The following STIM2 variants were observed in gnomAD, a reference collection of about 807,000 sequenced individuals.
The protein encoded by STIM2 is stromal interaction molecule 2.
Under a neutral mutation model 85.8 loss-of-function variants are expected in STIM2, and 31 were observed. That is an observed-to-expected ratio of 0.36 (90% confidence interval 0.27 to 0.49). STIM2 has a LOEUF of 0.49. Ranked by LOEUF, STIM2 falls within the 20% of genes least tolerant of loss-of-function variation. The pLI, the probability that STIM2 is intolerant of heterozygous loss-of-function variation, is 0.98. For synonymous variants in STIM2, 356 were observed against 331.1 expected, an observed-to-expected ratio of 1.08 and a Z score of -0.82; for missense variants, 841 against 927.6, an observed-to-expected ratio of 0.91 and a Z score of 1.21.
chr4:26,881,313 A>G (rs1023761214), intron 1 of STIM2, among the ~76,000 whole-genome samples: 2 of 152,090 alleles, frequency 1.3e-5, no homozygotes, highest in African/African-American at 4.8e-5. Context: ...TAAAAATACA[A>G]AAATTAGCCC....
rs114777390 is a variant in STIM2, at chr4:26,991,428, C to T, written c.398-3951C>T. Among the ~76,000 whole-genome samples the T allele has an allele frequency of 4.5e-3, 681 of 151,648 alleles. 7 individuals carry two copies. Among genetic ancestry groups the T allele is most frequent in the Non-Finnish European group, 7.9e-3 (539 of 67,848 alleles). On this transcript the variant is annotated intron_variant, in intron 3 of 11. Transcript: ENST00000467087. ...ATGGTGGTTACCAGAGGCTGGGAAG[C>T]GAAGAGGGGAATGAAGAGAAGTTGG...
At chr4:26,913,221 T>C (rs1327888249) in intron 1 of STIM2, among the ~76,000 whole-genome samples, 1 of 152,106 alleles carries the variant, frequency 6.6e-6, no homozygotes, top group Non-Finnish European at 1.5e-5. Flanking sequence ...AAGTATGTAT[T>C]AGATTTGGTA....
chr4:27,017,782 C>T lies in STIM2; in HGVS notation c.1561C>T (p.Pro521Ser), dbSNP rs752964490. ...GTGCCGTTCACGCCGCAGCATTGTG[C>T]CGTCCTCGCCTCAGCCTCAGCGAGC... The change falls in exon 11 of 12, where the codon CCG (proline) becomes TCG (serine). Residue 521 changes from proline (P) to serine (S), a missense_variant. By Grantham distance (74) the Pro-to-Ser change is moderately conservative. This residue lies in a region of STIM2 where 293 missense variants were observed against 284.5 expected (regional missense o/e 1.03). Transcript: ENST00000467087. The T allele has an allele frequency of 9.9e-6, 16 of 1,613,986 alleles. No homozygotes were observed. The African/African-American group carries it at 2.0e-4, about 20-fold the overall frequency.
chr4:26,970,242 T>A (rs1726893784), intron 3 of STIM2, among the ~76,000 whole-genome samples: 2 of 25,612 alleles, frequency 7.8e-5, no homozygotes, highest in Non-Finnish European at 2.2e-4. Context: ...TATATATATA[T>A]ATATGTATGT....
At chr4:26,976,989 C>G (rs1372682139) in intron 3 of STIM2, among the ~76,000 whole-genome samples, 1 of 152,066 alleles carries the variant, frequency 6.6e-6, no homozygotes, top group East Asian at 1.9e-4. Flanking sequence ...ACTGCTGGTA[C>G]AGGTTATTTA....
At chr4:26,995,893 AT>A (rs1440565032) in intron 4 of STIM2, among the ~76,000 whole-genome samples, 1 of 152,120 alleles carries the variant, frequency 6.6e-6, no homozygotes, top group Non-Finnish European at 1.5e-5. Context: ...TAACCATCGA[AT>A]TATGGCGTCT....
At chr4:26,956,644 A>G (rs1428479371) in intron 2 of STIM2, among the ~76,000 whole-genome samples, 2 of 152,140 alleles carry the variant, frequency 1.3e-5, no homozygotes, top group African/African-American at 4.8e-5. Context: ...TCTAAACACC[A>G]TAATCAAATG....
chr4:26,886,695 G>C (rs1290018307), intron 1 of STIM2, among the ~76,000 whole-genome samples: 2 of 152,178 alleles, frequency 1.3e-5, no homozygotes, highest in East Asian at 3.8e-4. Flanking sequence ...GTCTGGGCTA[G>C]AATGTACAGT....
In STIM2 at chr4:26,863,000, T is replaced by A. The variant is rs1436468761; in HGVS notation, c.151+1631T>A. Among the ~76,000 whole-genome samples the A allele has an allele frequency of 3.3e-5, 5 of 152,280 alleles. No individual in the cohort carries two copies. The South Asian group carries it at 6.2e-4, about 19-fold the overall frequency. On this transcript the variant is annotated intron_variant, in intron 1 of 11. Coordinates refer to ENST00000467087, the MANE Select transcript of STIM2 (RefSeq NM_020860.4). The stretch of plus-strand genomic sequence containing the variant: ...TGGTTAATACATAATTGGCTAATGC[T>A]CTGTGAAAAAGTAATTGGTAAAAAG...
intron 2 of STIM2, among the ~76,000 whole-genome samples, chr4:26,927,874 A>G (rs1360688168): frequency 6.8e-6 from 1 of 146,280 alleles, no homozygotes; most frequent in Non-Finnish European, 1.5e-5. Flanking sequence ...TATAAATTAT[A>G]TATTAATATA....
chr4:27,023,884 A>C lies in STIM2; in HGVS notation c.*888A>C, dbSNP rs1728998362. ...TATGGGGATTCAGGCAATTGTTTACACACTTTGAATAACTGCAAAGGATTT... is the reference window on the plus strand; with the variant it reads ...TATGGGGATTCAGGCAATTGTTTACCCACTTTGAATAACTGCAAAGGATTT... On this transcript the variant is annotated 3_prime_UTR_variant, in exon 12 of 12. Coordinates refer to ENST00000467087, the MANE Select transcript of STIM2 (RefSeq NM_020860.4). 1 of 152,672 alleles carries C rather than the reference A, an allele frequency of 6.5e-6. No homozygotes were observed. Among genetic ancestry groups the C allele is most frequent in the Non-Finnish European group, 1.5e-5 (1 of 68,058 alleles). The allele number at this position is 152,672 out of a possible 1,614,324, so 9.5% of individuals were successfully genotyped here. A position where few individuals can be genotyped will look rare whatever the true frequency, so the allele number is the denominator to read the frequency against.
chr4:26,927,697 A>T, intron 2 of STIM2, among the ~76,000 whole-genome samples: 1 of 128,700 alleles, frequency 7.8e-6, no homozygotes, highest in African/African-American at 3.4e-5. Context: ...AAAAAAAAAA[A>T]AAAAAAAAAA....
At chr4:27,015,778 G>A (rs1728710402) in intron 10 of STIM2, among the ~76,000 whole-genome samples, 1 of 130,512 alleles carries the variant, frequency 7.7e-6, no homozygotes, top group African/African-American at 2.7e-5. Context: ...GATTGGGTGT[G>A]GATTTAAACA....
At chr4:26,961,099 A>G (rs1330347321) in intron 3 of STIM2, among the ~76,000 whole-genome samples, 1 of 152,190 alleles carries the variant, frequency 6.6e-6, no homozygotes, top group Non-Finnish European at 1.5e-5. Context: ...AGGAATTTAC[A>G]TTAAAAAATA....
chr4:26,960,942 T>C (rs1726432360), intron 3 of STIM2, among the ~76,000 whole-genome samples: 1 of 151,402 alleles, frequency 6.6e-6, no homozygotes, highest in South Asian at 2.1e-4. Flanking sequence ...TGCGCTCCCG[T>C]CATCCCAGCT....
At chr4:26,942,273 C>G (rs954146194) in intron 2 of STIM2, among the ~76,000 whole-genome samples, 2 of 152,282 alleles carry the variant, frequency 1.3e-5, no homozygotes, top group Middle Eastern at 6.8e-3. Flanking sequence ...ATCTCATCCC[C>G]TATCCCTACT....
chr4:26,897,956 G>A (rs1016719870), intron 1 of STIM2, among the ~76,000 whole-genome samples: 5 of 152,084 alleles, frequency 3.3e-5, no homozygotes, highest in Non-Finnish European at 7.4e-5. Flanking sequence ...TTGTAGAGAC[G>A]AGGTTTGCCT....
chr4:26,973,336 G>A (rs984301563), intron 3 of STIM2, among the ~76,000 whole-genome samples: 1 of 152,142 alleles, frequency 6.6e-6, no homozygotes, highest in Non-Finnish European at 1.5e-5. Flanking sequence ...ATGTTAGGGT[G>A]TTGATTTTAG....
intron 2 of STIM2, among the ~76,000 whole-genome samples, chr4:26,947,596 A>G (rs927693441): frequency 1.3e-5 from 2 of 152,108 alleles, no homozygotes; most frequent in Non-Finnish European, 2.9e-5. Flanking sequence ...CCAGCCCTCC[A>G]TCAGCCTCAC....
Sources: allele counts gnomAD v4.1 joint callset (sites outside exome capture counted in the v4.1 genomes callset), GRCh38; gene constraint gnomAD v4.1.1; regional missense constraint gnomAD v4.1.1; transcripts MANE v1.5; gene names NCBI Gene and HGNC (gene_info 2026-07-23, HGNC 2026-07-21).